Variants in ABLIM3 observed in about 807,000 individuals in gnomAD.
ABLIM3 encodes the protein actin-binding LIM protein 3.
In ABLIM3, 61 loss-of-function variants were observed where a neutral mutation model predicts 109.5. That is an observed-to-expected ratio of 0.56 (90% CI 0.45 to 0.69). The LOEUF is 0.69. Among genes scored for constraint, ABLIM3 ranks in the 30% least tolerant of loss-of-function variants. ABLIM3 has a pLI of 0.00. For synonymous variants in ABLIM3, 300 were observed against 324.8 expected (o/e 0.92, Z 0.82); for missense variants, 796 against 889.5 (o/e 0.89, Z 1.34).
chr5:149,215,941 A>G (rs967692723), intron 7 of ABLIM3, among the ~76,000 whole-genome samples: 1 of 152,142 alleles, frequency 6.6e-6, no homozygotes, highest in African/African-American at 2.4e-5. Flanking sequence ...TTGAGGCACA[A>G]CCTTCTCAGG....
In ABLIM3 at chr5:149,237,901, G is replaced by GT. The variant is rs1752386351; in HGVS notation, c.1044+300dup. ...ATTCCCCCCAGTCCCCCGACTCCCT[G>GT]TTAATCCCAGCATTGAAGCTAAGAG... On this transcript the variant is annotated intron_variant, in intron 11 of 23. Transcript: ENST00000309868. Among the ~76,000 whole-genome samples the GT allele has an allele frequency of 3.3e-5, 5 of 152,162 alleles. No individual in the cohort carries two copies. The South Asian group carries it at 1.0e-3, about 32-fold the overall frequency.
At chr5:149,177,831 C>T (rs1411096199) in intron 2 of ABLIM3, among the ~76,000 whole-genome samples, 1 of 152,154 alleles carries the variant, frequency 6.6e-6, no homozygotes, top group African/African-American at 2.4e-5. Flanking sequence ...TTAATTATTG[C>T]TTATTGAGGC....
intron 5 of ABLIM3, among the ~76,000 whole-genome samples, chr5:149,201,910 G>C (rs1385521088): frequency 2.0e-5 from 3 of 152,230 alleles, no homozygotes; most frequent in Non-Finnish European, 4.4e-5. Flanking sequence ...CTGAGACTCA[G>C]TTTACCCAGT....
chr5:149,231,853 T>C (rs1761897843), intron 9 of ABLIM3, among the ~76,000 whole-genome samples: 1 of 152,208 alleles, frequency 6.6e-6, no homozygotes, highest in African/African-American at 2.4e-5. Flanking sequence ...TAACTAACCT[T>C]ATTTTAAAAT....
In ABLIM3 at chr5:149,242,540, T is replaced by C; in HGVS notation, c.1351+2T>C. On this transcript the variant is annotated splice_donor_variant, in intron 15 of 23. Coordinates refer to ENST00000309868, the MANE Select transcript of ABLIM3 (RefSeq NM_014945.5). LOFTEE classifies it high-confidence loss of function. Reference sequence around the variant, plus strand: ...AACCCCCGATCTACAAACGGCATGGTATGGTCAGAGGTAGATAGGGCTTGG... The same window carrying C: ...AACCCCCGATCTACAAACGGCATGGCATGGTCAGAGGTAGATAGGGCTTGG... The C allele has an allele frequency of 6.2e-7, 1 of 1,613,878 alleles. No homozygotes were observed. Among genetic ancestry groups the C allele is most frequent in the Non-Finnish European group, 8.5e-7 (1 of 1,179,962 alleles).
rs1754666767 is a variant in ABLIM3, at chr5:149,258,706, A to G, written c.*302A>G. 1 of 1,041,668 alleles carries G rather than the reference A, an allele frequency of 9.6e-7. No homozygotes were observed. The highest frequency in any genetic ancestry group is 4.1e-5 in the South Asian group (1 of 24,350). The allele number at this position is 1,041,668 out of a possible 1,614,324, so 64.5% of individuals were successfully genotyped here. A position where few individuals can be genotyped will look rare whatever the true frequency, so the allele number is the denominator to read the frequency against. On this transcript the variant is annotated 3_prime_UTR_variant, in exon 24 of 24. Transcript: ENST00000309868. ...CCCAAGGTCCAACTCTCTTTCCTAA[A>G]GAAGGTGCCTGAAGAAGTCTCTCTT...
chr5:149,141,904 G>T, intron 1 of ABLIM3, 105 bp from the exon 2 acceptor site: 1 of 780,048 alleles, frequency 1.3e-6, no homozygotes, highest in Non-Finnish European at 2.2e-6. Flanking sequence ...TAGTCCACGC[G>T]CCTTCAAGGC....
chr5:149,148,514 A>G (rs1217969074), intron 2 of ABLIM3, among the ~76,000 whole-genome samples: 2 of 152,138 alleles, frequency 1.3e-5, no homozygotes, highest in Non-Finnish European at 2.9e-5. Context: ...CTCTCAACCT[A>G]TTCCAAGGAT....
chr5:149,249,895 A>T, intron 19 of ABLIM3, 51 bp downstream of exon 19: 1 of 1,598,120 alleles, frequency 6.3e-7, no homozygotes, highest in South Asian at 1.1e-5. Flanking sequence ...TGAGGGACAG[A>T]GCTGTGTCAG....
intron 5 of ABLIM3, among the ~76,000 whole-genome samples, chr5:149,204,286 A>G (rs1758760627): frequency 6.6e-6 from 1 of 152,148 alleles, no homozygotes; most frequent in South Asian, 2.1e-4. Context: ...GAACATATGG[A>G]GGAGTGGACA....
At chr5:149,231,033 C>T (rs1418606500) in intron 9 of ABLIM3, among the ~76,000 whole-genome samples, 1 of 152,298 alleles carries the variant, frequency 6.6e-6, no homozygotes, top group East Asian at 1.9e-4. Flanking sequence ...TTTTCCCAGC[C>T]TAAGGTCACT....
chr5:149,147,423 T>C (rs1314567923), intron 2 of ABLIM3, among the ~76,000 whole-genome samples: 6 of 152,216 alleles, frequency 3.9e-5, no homozygotes, highest in African/African-American at 1.4e-4. Flanking sequence ...CTACTTGATA[T>C]GGTGAATTAA....
At chr5:149,142,139 G>A (rs201383250) in intron 2 of ABLIM3, 31 bp downstream of exon 2, 80 of 1,443,400 alleles carry the variant, frequency 5.5e-5, no homozygotes, top group Admixed American at 8.5e-5. Flanking sequence ...TTTGCCATGG[G>A]AACAGGGGTG....
chr5:149,242,754 A>G (rs1040573060), intron 15 of ABLIM3, among the ~76,000 whole-genome samples: 2 of 152,112 alleles, frequency 1.3e-5, no homozygotes, highest in Non-Finnish European at 2.9e-5. Context: ...GTTCTTTCCC[A>G]CCACCTTTGC....
intron 8 of ABLIM3, among the ~76,000 whole-genome samples, chr5:149,225,867 G>T (rs188549221): frequency 1.3e-5 from 2 of 149,948 alleles, no homozygotes; most frequent in Admixed American, 1.3e-4. Context: ...CATCTGGGTT[G>T]CTGCAAATGC....
At chr5:149,243,780 G>A (rs911985568) in intron 15 of ABLIM3, 4 of 152,228 alleles carry the variant, frequency 2.6e-5, no homozygotes, top group Non-Finnish European at 5.9e-5. Context: ...GACTTTGTGG[G>A]ATTTTCCAGG....
At chr5:149,186,281 G>T (rs1756950565) in intron 3 of ABLIM3, among the ~76,000 whole-genome samples, 1 of 152,094 alleles carries the variant, frequency 6.6e-6, no homozygotes, top group Non-Finnish European at 1.5e-5. Context: ...GGGTGTGGTG[G>T]CAGGTGCCTG....
At chr5:149,161,398 C>T (rs1370456463) in intron 2 of ABLIM3, among the ~76,000 whole-genome samples, 1 of 152,204 alleles carries the variant, frequency 6.6e-6, no homozygotes, top group Non-Finnish European at 1.5e-5. Context: ...TCTGCCTTCC[C>T]TCTCTGCCTG....
At chr5:149,250,799 G>A (rs1581246040) in intron 20 of ABLIM3, among the ~76,000 whole-genome samples, 1 of 152,174 alleles carries the variant, frequency 6.6e-6, no homozygotes, top group East Asian at 1.9e-4. Flanking sequence ...AACCCATGGA[G>A]GCAGTTACTA....
Sources: allele counts gnomAD v4.1 joint callset (sites outside exome capture counted in the v4.1 genomes callset), GRCh38; gene constraint gnomAD v4.1.1; transcripts MANE v1.5; gene names NCBI Gene and HGNC (gene_info 2026-07-23, HGNC 2026-07-21).